TNRC6B: variants seen among roughly 807,000 people sequenced by gnomAD.
The protein encoded by TNRC6B is trinucleotide repeat containing adaptor 6B, also known as trinucleotide repeat-containing gene 6B protein.
Under a neutral mutation model 203.6 loss-of-function variants are expected in TNRC6B, and 52 were observed. The observed-to-expected ratio is 0.26, with a 90% CI of 0.20 to 0.32. TNRC6B has a LOEUF of 0.32. Among genes scored for constraint, TNRC6B ranks in the 10% least tolerant of loss-of-function variants. TNRC6B has a pLI of 1.00. For synonymous variants in TNRC6B, 838 were observed against 845.7 expected (o/e 0.99, Z 0.16); for missense variants, 1,923 against 2,286.2 (o/e 0.84, Z 3.24).
At chr22:40,235,695 G>A (rs1242196864) in intron 1 of TNRC6B, among the ~76,000 whole-genome samples, 3 of 152,160 alleles carry the variant, frequency 2.0e-5, no homozygotes, top group Non-Finnish European at 4.4e-5. Context: ...TGTCAGAGGA[G>A]CATTTTAAAT....
At chr22:40,192,626 A>G (rs945861814) in intron 1 of TNRC6B, among the ~76,000 whole-genome samples, 27 of 152,274 alleles carry the variant, frequency 1.8e-4, no homozygotes, top group African/African-American at 6.0e-4. Flanking sequence ...CAAAAAAAAA[A>G]AGTAAAGACC....
At chr22:40,158,194 C>G (rs1476364481) in intron 4 of TNRC6B, among the ~76,000 whole-genome samples, 1 of 151,932 alleles carries the variant, frequency 6.6e-6, no homozygotes, top group African/African-American at 2.4e-5. Flanking sequence ...ACAAAATTAG[C>G]CAGGCGTGGT....
At chr22:40,166,740 C>A (rs2068923013) in intron 4 of TNRC6B, among the ~76,000 whole-genome samples, 1 of 151,794 alleles carries the variant, frequency 6.6e-6, no homozygotes, top group African/African-American at 2.4e-5. Flanking sequence ...ACTGAAAGTC[C>A]AAAAATTAGC....
At chr22:40,191,773 CAG>C (rs1169305151) in intron 1 of TNRC6B, among the ~76,000 whole-genome samples, 6 of 152,238 alleles carry the variant, frequency 3.9e-5, no homozygotes, top group African/African-American at 1.4e-4. Flanking sequence ...TATTTAGAGA[CAG>C]AGTCTCATTC....
At position 40,323,272 on chromosome 22, in the gene TNRC6B, C is replaced by CT; in HGVS notation, c.*37dup. 1 of 1,584,102 alleles carries CT rather than the reference C, an allele frequency of 6.3e-7. No individual in the cohort carries two copies. The highest frequency in any genetic ancestry group is 8.5e-7 in the Non-Finnish European group (1 of 1,170,824). ...GAACTTTCAACTCTGACCTCGTGAC[C>CT]TTTTTTGGAACAGCAGCAGCACTAA... On this transcript the variant is annotated 3_prime_UTR_variant, in exon 23 of 23. Coordinates refer to ENST00000454349, the MANE Select transcript of TNRC6B (RefSeq NM_001162501.2).
chr22:40,056,704 A>T (rs1298449240), intron 1 of TNRC6B, among the ~76,000 whole-genome samples: 1 of 151,466 alleles, frequency 6.6e-6, no homozygotes, highest in Non-Finnish European at 1.5e-5. Context: ...AGGCTGAGGC[A>T]GGAGGATTGC....
rs1016854887 is a variant in TNRC6B at position 40,127,993 on chromosome 22, A to G, written c.45+2131A>G. ...TATAGAATATATTACTGTGCCATAA[A>G]CTCAGTTTTCAACTTCTTTTTGGAA... On this transcript the variant is annotated intron_variant, in intron 3 of 23. Transcript: ENST00000301923. Among the ~76,000 whole-genome samples the G allele has an allele frequency of 2.7e-4, 41 of 152,216 alleles. 2 individuals are homozygous for G. The highest frequency in any genetic ancestry group is 5.9e-5 in the Non-Finnish European group (4 of 68,044).
intron 2 of TNRC6B, among the ~76,000 whole-genome samples, chr22:40,120,177 G>A (rs977497489): frequency 6.6e-6 from 1 of 152,082 alleles, no homozygotes; most frequent in African/African-American, 2.4e-5. Context: ...GGGCAACATA[G>A]TGAAATCCCA....
chr22:40,253,212 G>A (rs1471443591), intron 3 of TNRC6B, among the ~76,000 whole-genome samples: 3 of 150,350 alleles, frequency 2.0e-5, no homozygotes, highest in Non-Finnish European at 4.4e-5. Flanking sequence ...CTCCTGAGTA[G>A]CTGGGACTAC....
In TNRC6B at chr22:40,330,919, CA is replaced by C. The variant is rs1389067674; in HGVS notation, c.*7679del. The C allele has an allele frequency of 1.3e-5, 2 of 152,634 alleles. No individual in the cohort carries two copies. The highest frequency in any genetic ancestry group is 1.5e-5 in the Non-Finnish European group (1 of 68,044). 9.5% of individuals were successfully genotyped at this position (152,634 alleles called of 1,614,324 possible). On this transcript the variant is annotated 3_prime_UTR_variant, in exon 23 of 23. Coordinates refer to ENST00000454349, the MANE Select transcript of TNRC6B (RefSeq NM_001162501.2). ...AGATTCTGGGACTTGGGAGAGGAGACAGGGGAAGGTACCCAGGCGACGCAGA... is the reference window on the plus strand; with the variant it reads ...AGATTCTGGGACTTGGGAGAGGAGACGGGGAAGGTACCCAGGCGACGCAGA...
chr22:40,269,026 G>T (rs1436466949), intron 5 of TNRC6B, among the ~76,000 whole-genome samples: 1 of 150,278 alleles, frequency 6.7e-6, no homozygotes, highest in Non-Finnish European at 1.5e-5. Flanking sequence ...AGAAGGGATT[G>T]TACTTCGTAT....
Position 40,136,403 on chromosome 22 carries a change from A to G in TNRC6B, c.45+10541A>G, listed in dbSNP as rs371998351. On this transcript the variant is annotated intron_variant, in intron 3 of 23. Coordinates refer to the TNRC6B transcript ENST00000301923. The stretch of plus-strand genomic sequence containing the variant: ...TGTGTGTGTGTGTGTGTGTGTGTGT[A>G]TACTTTTTTTTTTGAGGCAGAGTGT... 2.8e-3 allele frequency among the ~76,000 whole-genome samples: 155 copies of G among 55,394 alleles called. 1 individual carries two copies. Among genetic ancestry groups the G allele is most frequent in the African/African-American group, 0.012 (114 of 9,452 alleles). 36.3% of individuals were successfully genotyped at this position (55,394 alleles called of 152,430 possible). A position where few individuals can be genotyped will look rare whatever the true frequency, so the allele number is the denominator to read the frequency against.
intron 21 of TNRC6B, among the ~76,000 whole-genome samples, chr22:40,318,407 T>G (rs1328948769): frequency 1.3e-5 from 2 of 151,772 alleles, no homozygotes; most frequent in African/African-American, 4.8e-5. Context: ...ATTAGCCGGG[T>G]GTGGTGGTGA....
At chr22:40,189,674 A>G (rs957081491) in intron 1 of TNRC6B, among the ~76,000 whole-genome samples, 2 of 152,152 alleles carry the variant, frequency 1.3e-5, no homozygotes, top group African/African-American at 4.8e-5. Context: ...ACTTGGGGAA[A>G]TGCTTGATTA....
intron 11 of TNRC6B, 120 bp from the exon 12 acceptor site, chr22:40,285,525 T>A: frequency 5.7e-6 from 7 of 1,221,226 alleles, no homozygotes; most frequent in Non-Finnish European, 7.8e-6. Flanking sequence ...GTTACAAAAT[T>A]CTGTTATTCC....
chr22:40,207,743 G>A (rs2069501610), intron 1 of TNRC6B, among the ~76,000 whole-genome samples: 1 of 151,926 alleles, frequency 6.6e-6, no homozygotes, highest in South Asian at 2.1e-4. Context: ...AACTTAATTA[G>A]TAATCAAGGA....
At chr22:40,206,806 G>A (rs1396060175) in intron 1 of TNRC6B, among the ~76,000 whole-genome samples, 2 of 152,124 alleles carry the variant, frequency 1.3e-5, no homozygotes, top group African/African-American at 4.8e-5. Flanking sequence ...AGGGAGAGGC[G>A]ACAGGTGACA....
chr22:40,068,081 CTT>C (rs1326993913), intron 1 of TNRC6B, among the ~76,000 whole-genome samples: 1 of 152,106 alleles, frequency 6.6e-6, no homozygotes, highest in Admixed American at 6.5e-5. Context: ...TTTCCATAGT[CTT>C]TGTTTTCCAG....
chr22:40,229,415 G>A (rs2069836599), intron 1 of TNRC6B, among the ~76,000 whole-genome samples: 1 of 151,906 alleles, frequency 6.6e-6, no homozygotes, highest in South Asian at 2.1e-4. Flanking sequence ...CCAGGGAAAT[G>A]GGCCATTCCA....
Sources: allele counts gnomAD v4.1 joint callset (sites outside exome capture counted in the v4.1 genomes callset), GRCh38; gene constraint gnomAD v4.1.1; transcripts MANE v1.5; gene names NCBI Gene and HGNC (gene_info 2026-07-23, HGNC 2026-07-21).